Variants in CNTNAP2 observed in about 807,000 individuals in gnomAD.
CNTNAP2 encodes the protein contactin associated protein 2.
Under a neutral mutation model 155.2 loss-of-function variants are expected in CNTNAP2, and 98 were observed. The observed-to-expected ratio is 0.63, with a 90% CI of 0.54 to 0.75. The LOEUF (loss-of-function observed/expected upper bound fraction) is 0.75, where lower values mean the gene tolerates loss of function less well. CNTNAP2 is among the 30% of genes least tolerant of loss of function. CNTNAP2 has a pLI of 0.00. For missense variants in CNTNAP2, 1,727 were observed against 1,688.1 expected (o/e 1.02, Z -0.40); for synonymous variants, 651 against 631.2 (o/e 1.03, Z -0.47).
At chr7:147,396,172 A>G (rs1013231212) in intron 10 of CNTNAP2, among the ~76,000 whole-genome samples, 9 of 72,832 alleles carry the variant, frequency 1.2e-4, no homozygotes, top group African/African-American at 8.0e-4. Flanking sequence ...TATATCATAT[A>G]TATATATAGC....
chr7:148,318,412 C>G (rs944169812), intron 21 of CNTNAP2, among the ~76,000 whole-genome samples: 1 of 151,988 alleles, frequency 6.6e-6, no homozygotes, highest in African/African-American at 2.4e-5. Context: ...GATTTTTTTG[C>G]CTAATAAATA....
intron 15 of CNTNAP2, among the ~76,000 whole-genome samples, chr7:148,083,373 G>C (rs75426774): frequency 2.0e-4 from 31 of 152,238 alleles, no homozygotes; most frequent in Admixed American, 2.0e-4. Flanking sequence ...ACTCCACTTC[G>C]GTTCCCTTCA....
intron 20 of CNTNAP2, among the ~76,000 whole-genome samples, chr7:148,245,343 G>A (rs1245425943): frequency 1.3e-5 from 2 of 152,158 alleles, no homozygotes; most frequent in African/African-American, 4.8e-5. Context: ...CGACAGAGTT[G>A]TGTGCAATTA....
At chr7:146,511,850 G>T (rs1489315996) in intron 1 of CNTNAP2, among the ~76,000 whole-genome samples, 1 of 152,066 alleles carries the variant, frequency 6.6e-6, no homozygotes, top group African/African-American at 2.4e-5. Flanking sequence ...GAGTAGAATT[G>T]TTATTGGTTC....
At chr7:147,087,490 A>G (rs561481736) in intron 4 of CNTNAP2, among the ~76,000 whole-genome samples, 2 of 152,226 alleles carry the variant, frequency 1.3e-5, no homozygotes, top group South Asian at 2.1e-4. Flanking sequence ...CATTGTTTGT[A>G]CCTCACTTGC....
chr7:146,522,128 C>A (rs17584924), intron 1 of CNTNAP2, among the ~76,000 whole-genome samples: 10,056 of 152,026 alleles, frequency 0.066, 377 homozygotes, highest in Non-Finnish European at 0.085. Flanking sequence ...CGTCATTCTT[C>A]CTTAAAAGCA....
intron 1 of CNTNAP2, among the ~76,000 whole-genome samples, chr7:146,749,503 G>A (rs555777344): frequency 6.6e-6 from 1 of 152,208 alleles, no homozygotes; most frequent in African/African-American, 2.4e-5. Context: ...CAGAGTCAAT[G>A]ATATTCAGCA....
At chr7:148,039,642 T>C (rs776212550) in intron 15 of CNTNAP2, among the ~76,000 whole-genome samples, 6 of 152,166 alleles carry the variant, frequency 3.9e-5, no homozygotes, top group Non-Finnish European at 8.8e-5. Context: ...CTTTGCACCA[T>C]CGTTGCTCAG....
At chr7:147,590,757 T>C (rs143221365) in intron 12 of CNTNAP2, among the ~76,000 whole-genome samples, 221 of 152,284 alleles carry the variant, frequency 1.5e-3, no homozygotes, top group African/African-American at 4.9e-3. Context: ...AAAGGCAGAT[T>C]CAGAGAAGTA....
intron 1 of CNTNAP2, among the ~76,000 whole-genome samples, chr7:146,462,089 T>A (rs1796645670): frequency 6.6e-6 from 1 of 152,142 alleles, no homozygotes; most frequent in South Asian, 2.1e-4. Flanking sequence ...CTCTGAGGCT[T>A]GAATGAGTTA....
chr7:148,113,339 A>G (rs1317261374), intron 15 of CNTNAP2, among the ~76,000 whole-genome samples: 2 of 152,144 alleles, frequency 1.3e-5, no homozygotes, highest in African/African-American at 2.4e-5. Context: ...TGCACACTTT[A>G]AACAACCACA....
At chr7:148,230,665 T>C (rs1440497845) in intron 20 of CNTNAP2, among the ~76,000 whole-genome samples, 1 of 152,194 alleles carries the variant, frequency 6.6e-6, no homozygotes, top group Non-Finnish European at 1.5e-5. Context: ...TGAGCACTGG[T>C]GGATGTCAGA....
chr7:147,083,877 TATAC>T (rs1399397751), intron 4 of CNTNAP2, among the ~76,000 whole-genome samples: 2 of 140,624 alleles, frequency 1.4e-5, no homozygotes, highest in Non-Finnish European at 3.0e-5. Flanking sequence ...GTACATATTA[TATAC>T]ATATACACAT....
chr7:146,358,033 T>A (rs890208206), intron 1 of CNTNAP2, among the ~76,000 whole-genome samples: 9 of 151,320 alleles, frequency 5.9e-5, no homozygotes, highest in African/African-American at 1.2e-4. Context: ...TTTATTTATT[T>A]ATTTATTTAT....
At chr7:146,978,918 C>G (rs1166458039) in intron 3 of CNTNAP2, among the ~76,000 whole-genome samples, 1 of 152,050 alleles carries the variant, frequency 6.6e-6, no homozygotes, top group African/African-American at 2.4e-5. Flanking sequence ...AATTTTGTTA[C>G]AGTTAAACAC....
chr7:146,548,627 T>A (rs866721441), intron 1 of CNTNAP2, among the ~76,000 whole-genome samples: 8 of 151,986 alleles, frequency 5.3e-5, no homozygotes, highest in African/African-American at 1.9e-4. Flanking sequence ...TGGGCCCTTG[T>A]GTGTCTTCTT....
intron 3 of CNTNAP2, among the ~76,000 whole-genome samples, chr7:146,906,062 G>T (rs1184613752): frequency 1.2e-4 from 19 of 152,198 alleles, no homozygotes; most frequent in Admixed American, 1.2e-3. Context: ...GGAAAATCGG[G>T]TCACTCCCAC....
At chr7:147,297,631 T>C (rs1048233139) in intron 8 of CNTNAP2, among the ~76,000 whole-genome samples, 3 of 152,182 alleles carry the variant, frequency 2.0e-5, no homozygotes, top group African/African-American at 7.2e-5. Flanking sequence ...CACATCTTAG[T>C]TCACCAAAAG....
intron 1 of CNTNAP2, among the ~76,000 whole-genome samples, chr7:146,229,714 A>G (rs1476454591): frequency 1.2e-5 from 1 of 81,242 alleles, no homozygotes; most frequent in Admixed American, 1.7e-4. Context: ...CAGCCTATGA[A>G]GTTTTTTGTT....
Sources: gnomAD v4.1 joint callset for allele counts (sites outside exome capture counted in the v4.1 genomes callset) on GRCh38, gnomAD v4.1.1 for gene constraint, MANE v1.5 for transcripts, NCBI Gene and HGNC (gene_info 2026-07-23, HGNC 2026-07-21) for gene names.